The following CADM2 variants were observed in gnomAD, a reference collection of about 807,000 sequenced individuals.
CADM2 encodes the protein cell adhesion molecule 2, also known as immunoglobulin superfamily member 4D.
In CADM2, 12 loss-of-function variants were observed where a neutral mutation model predicts 49.8. The observed-to-expected ratio is 0.24, with a 90% CI of 0.15 to 0.39. CADM2 has a LOEUF of 0.39. CADM2 is among the 10% of genes least tolerant of loss of function. The pLI, the probability that CADM2 is intolerant of heterozygous loss-of-function variation, is 1.00. For missense variants in CADM2, 378 were observed against 492.3 expected (o/e 0.77, Z 2.20); for synonymous variants, 214 against 175.4 (o/e 1.22, Z -1.74).
intron 1 of CADM2, among the ~76,000 whole-genome samples, chr3:85,614,609 G>A (rs1207112277): frequency 1.3e-5 from 2 of 151,592 alleles, no homozygotes; most frequent in Non-Finnish European, 1.5e-5. Context: ...TCTTTACCTC[G>A]TTAATTTTAG....
intron 1 of CADM2, among the ~76,000 whole-genome samples, chr3:85,040,924 C>G (rs1385140673): frequency 6.6e-6 from 1 of 152,068 alleles, no homozygotes; most frequent in Non-Finnish European, 1.5e-5. Context: ...TGAAGTCAAA[C>G]TCATCGCACA....
Position 85,961,477 on chromosome 3 carries a change from C to G in CADM2, c.800C>G (p.Pro267Arg). The G allele has an allele frequency of 6.3e-7, 1 of 1,593,138 alleles. No homozygotes were observed. The highest frequency in any genetic ancestry group is 8.6e-7 in the Non-Finnish European group (1 of 1,165,030). ...CESKGKPLPE[P>R]VLWTKDGGEL... Reference sequence around the variant, plus strand: ...ATGTTTCAATCCAATAGGCCAGAACCTGTTTTGTGGACAAAGGATGGCGGA... The same window carrying G: ...ATGTTTCAATCCAATAGGCCAGAACGTGTTTTGTGGACAAAGGATGGCGGA... The change falls in exon 8 of 10, where the codon CCT (proline) becomes CGT (arginine). Residue 267 changes from proline to arginine, a missense_variant. Transcript: ENST00000383699.
At position 85,186,403 on chromosome 3, in the gene CADM2, G is replaced by A. The variant is rs191120958; in HGVS notation, c.61+226735G>A. On this transcript the variant is annotated intron_variant, in intron 1 of 9. Coordinates refer to ENST00000383699, the MANE Select transcript of CADM2 (RefSeq NM_001167675.2). ...GCCAATAACACAATGACACAAGCAG[G>A]CTTTTTCTTATTTTTGTAAAGTATT... Among the ~76,000 whole-genome samples, 80 of 152,032 alleles carry A rather than the reference G, an allele frequency of 5.3e-4. 1 individual carries two copies. The highest frequency in any genetic ancestry group is 1.7e-3 in the African/African-American group (70 of 41,474).
chr3:85,394,675 T>C (rs1490433233), intron 1 of CADM2, among the ~76,000 whole-genome samples: 1 of 152,226 alleles, frequency 6.6e-6, no homozygotes, highest in African/African-American at 2.4e-5. Flanking sequence ...CACATTTTTG[T>C]ATTCTCTTCC....
intron 1 of CADM2, among the ~76,000 whole-genome samples, chr3:85,707,052 A>C (rs2066971370): frequency 6.6e-6 from 1 of 152,044 alleles, no homozygotes; most frequent in Non-Finnish European, 1.5e-5. Flanking sequence ...CTGCAACCTC[A>C]GCCTCCCGGG....
At chr3:85,817,436 C>T (rs148270633) in intron 3 of CADM2, among the ~76,000 whole-genome samples, 2 of 141,416 alleles carry the variant, frequency 1.4e-5, no homozygotes, top group Admixed American at 7.7e-5. Context: ...GAAAACTGCA[C>T]TCAGTGAGAT....
intron 1 of CADM2, among the ~76,000 whole-genome samples, chr3:85,037,005 A>AG (rs2035242896): frequency 7.3e-6 from 1 of 137,860 alleles, no homozygotes; most frequent in Non-Finnish European, 1.7e-5. Context: ...TAGAAAAAAA[A>AG]AAAAAAAAAA....
chr3:85,003,484 A>G (rs1576011407), intron 1 of CADM2, among the ~76,000 whole-genome samples: 1 of 152,250 alleles, frequency 6.6e-6, no homozygotes, highest in Non-Finnish European at 1.5e-5. Context: ...ATTTGGTGAA[A>G]GATAGGGATC....
chr3:85,102,557 C>T (rs867240599), intron 1 of CADM2, among the ~76,000 whole-genome samples: 3 of 152,144 alleles, frequency 2.0e-5, no homozygotes, highest in South Asian at 2.1e-4. Flanking sequence ...CTCAAAGAAG[C>T]CCACTCTCTA....
intron 1 of CADM2, among the ~76,000 whole-genome samples, chr3:85,032,083 C>T (rs959356694): frequency 6.6e-6 from 1 of 151,980 alleles, no homozygotes; most frequent in African/African-American, 2.4e-5. Context: ...TACTGAGTTC[C>T]CTAATGATAA....
At chr3:85,127,125 A>G (rs1426743644) in intron 1 of CADM2, among the ~76,000 whole-genome samples, 1 of 152,178 alleles carries the variant, frequency 6.6e-6, no homozygotes, top group Non-Finnish European at 1.5e-5. Context: ...CAAACATATC[A>G]ATATTGACAT....
At chr3:86,040,626 G>A (rs1173453514) in intron 8 of CADM2, among the ~76,000 whole-genome samples, 1 of 152,156 alleles carries the variant, frequency 6.6e-6, no homozygotes, top group Non-Finnish European at 1.5e-5. Context: ...TGAAAGTGAT[G>A]GGGAGAATGG....
chr3:85,615,474 A>G (rs1277386052), intron 1 of CADM2, among the ~76,000 whole-genome samples: 1 of 151,956 alleles, frequency 6.6e-6, no homozygotes, highest in East Asian at 1.9e-4. Flanking sequence ...AATAATCTCA[A>G]TGAGGCAAAA....
intron 1 of CADM2, among the ~76,000 whole-genome samples, chr3:85,300,809 G>T (rs181720803): frequency 6.6e-6 from 1 of 152,212 alleles, no homozygotes; most frequent in East Asian, 1.9e-4. Flanking sequence ...CGGATTGGGG[G>T]TCAAAGTGGG....
Position 86,035,996 on chromosome 3 carries a change from A to G in CADM2, c.971-29609A>G, listed in dbSNP as rs193258894. Among the ~76,000 whole-genome samples, 483 of 152,176 alleles carry G rather than the reference A, an allele frequency of 3.2e-3. 3 individuals carry two copies. The highest frequency in any genetic ancestry group is 0.011 in the African/African-American group (473 of 41,534). ...AAACTCTTGTGTCTCTTCTGTTTCT[A>G]AAAGCATAAATTCCATCATGGATGA... On this transcript the variant is annotated intron_variant, in intron 8 of 9. Transcript: ENST00000383699.
chr3:85,557,017 T>C (rs1434340982), intron 1 of CADM2, among the ~76,000 whole-genome samples: 1 of 152,072 alleles, frequency 6.6e-6, no homozygotes, highest in African/African-American at 2.4e-5. Flanking sequence ...TGTCACTTTG[T>C]GGTAACCTTG....
chr3:85,887,837 T>C (rs1056527757), intron 5 of CADM2, among the ~76,000 whole-genome samples: 2 of 152,186 alleles, frequency 1.3e-5, no homozygotes, highest in African/African-American at 4.8e-5. Flanking sequence ...TGTTCCATAG[T>C]GCTTCCAGAG....
intron 3 of CADM2, among the ~76,000 whole-genome samples, chr3:85,813,407 CTTATAAA>C (rs1291415111): frequency 1.3e-5 from 2 of 151,764 alleles, no homozygotes; most frequent in African/African-American, 4.8e-5. Context: ...TTGTTTTTTT[CTTATAAA>C]TTTGTTTAAG....
intron 3 of CADM2, among the ~76,000 whole-genome samples, chr3:85,842,458 G>C (rs1324322084): frequency 1.3e-5 from 2 of 152,068 alleles, no homozygotes; most frequent in African/African-American, 4.8e-5. Flanking sequence ...TAGTTTTTCA[G>C]TCAAAGCTTC....
Sources: allele counts gnomAD v4.1 joint callset (sites outside exome capture counted in the v4.1 genomes callset), GRCh38; gene constraint gnomAD v4.1.1; transcripts MANE v1.5; gene names NCBI Gene and HGNC (gene_info 2026-07-23, HGNC 2026-07-21).